PDE8B: variants seen among roughly 807,000 people sequenced by gnomAD.
The protein encoded by PDE8B is phosphodiesterase 8B, also known as high affinity cAMP-specific and IBMX-insensitive 3',5'-cyclic phosphodiesterase 8B.
In PDE8B, 26 loss-of-function variants were observed where a neutral mutation model predicts 101.3. The ratio of observed to expected loss-of-function variants is 0.26; its 90% CI spans 0.19 to 0.36. PDE8B has a LOEUF of 0.36. PDE8B is among the 10% of genes least tolerant of loss of function. PDE8B has a pLI of 1.00. For missense variants in PDE8B, 810 were observed against 1,163.1 expected, an observed-to-expected ratio of 0.70 and a Z score of 4.42; for synonymous variants, 424 against 429.3, an observed-to-expected ratio of 0.99 and a Z score of 0.15.
chr5:77,201,960 C>T, the PDE8B span, among the ~76,000 whole-genome samples: 3 of 152,168 alleles, frequency 2.0e-5, no homozygotes, highest in Admixed American at 6.5e-5. Flanking sequence ...TGCATTCTCT[C>T]TGTGTGGTCT....
chr5:77,240,589 A>G (rs1755577415), intron 1 of PDE8B, among the ~76,000 whole-genome samples: 2 of 152,252 alleles, frequency 1.3e-5, no homozygotes, highest in East Asian at 1.9e-4. Context: ...AGATAATCCT[A>G]TGCCAACATC....
At chr5:77,306,028 A>AC (rs966381921) in intron 1 of PDE8B, among the ~76,000 whole-genome samples, 14 of 151,678 alleles carry the variant, frequency 9.2e-5, no homozygotes, top group African/African-American at 2.9e-4. Context: ...CAGACATTCC[A>AC]CCCCCACCTG....
At chr5:77,361,659 C>T (rs576279004) in intron 10 of PDE8B, among the ~76,000 whole-genome samples, 2 of 152,044 alleles carry the variant, frequency 1.3e-5, no homozygotes, top group Admixed American at 6.5e-5. Context: ...GGACTACAGG[C>T]GCCCGCTACC....
the PDE8B span, among the ~76,000 whole-genome samples, chr5:77,125,804 A>G: frequency 1.7e-4 from 26 of 152,180 alleles, no homozygotes; most frequent in Admixed American, 1.0e-3. Flanking sequence ...GTCTGGGGGA[A>G]TAGTAGATTG....
chr5:77,286,095 G>T lies in PDE8B; in HGVS notation c.340-25899G>T, dbSNP rs191053906. On this transcript the variant is annotated intron_variant, in intron 1 of 21. Coordinates refer to ENST00000264917, the MANE Select transcript of PDE8B (RefSeq NM_003719.5). The stretch of plus-strand genomic sequence containing the variant: ...GTTGCCATTATGTTTCTTAGGTGAT[G>T]TGATTTGGGATTGTATCATGGGCAT... Among the ~76,000 whole-genome samples the T allele has an allele frequency of 2.8e-4, 42 of 152,246 alleles. 2 individuals are homozygous for T. The East Asian group carries it at 7.5e-3, about 27-fold the overall frequency.
At chr5:77,181,323 T>A in the PDE8B span, among the ~76,000 whole-genome samples, 1 of 152,170 alleles carries the variant, frequency 6.6e-6, no homozygotes, top group African/African-American at 2.4e-5. Context: ...GGACGCTTAG[T>A]GCAAGGGGGA....
intron 11 of PDE8B, among the ~76,000 whole-genome samples, chr5:77,401,523 T>C (rs1233542935): frequency 6.6e-6 from 1 of 152,208 alleles, no homozygotes; most frequent in African/African-American, 2.4e-5. Context: ...ACCTACAAAA[T>C]CTCTCCATGC....
At chr5:77,414,135 T>C (rs1032274363) in intron 17 of PDE8B, among the ~76,000 whole-genome samples, 5 of 152,190 alleles carry the variant, frequency 3.3e-5, no homozygotes, top group Non-Finnish European at 7.3e-5. Context: ...ATTAAGGTCC[T>C]AGGTACTTAA....
chr5:77,393,174 G>T (rs1022728679), intron 10 of PDE8B, among the ~76,000 whole-genome samples: 2 of 152,166 alleles, frequency 1.3e-5, no homozygotes, highest in Non-Finnish European at 2.9e-5. Flanking sequence ...AGGGCAGATT[G>T]CTTCAGCTCA....
At chr5:77,322,508 A>AGG (rs2150209004) in intron 2 of PDE8B, among the ~76,000 whole-genome samples, 2 of 151,952 alleles carry the variant, frequency 1.3e-5, no homozygotes, top group African/African-American at 4.8e-5. Flanking sequence ...ACCTGCTCCC[A>AGG]CCCTTTTGCC....
the PDE8B span, among the ~76,000 whole-genome samples, chr5:77,181,587 G>A: frequency 2.6e-5 from 4 of 152,128 alleles, no homozygotes; most frequent in Admixed American, 2.0e-4. Context: ...CAGTTTACCC[G>A]TCCCCAGGTT....
chr5:77,102,272 T>A, the PDE8B span, among the ~76,000 whole-genome samples: 8 of 151,996 alleles, frequency 5.3e-5, no homozygotes, highest in Non-Finnish European at 1.0e-4. Context: ...TAGTTTAGAT[T>A]TTTTTTTGTA....
At chr5:77,210,488 G>T (rs2149367580), upstream of PDE8B, 1 of 330,206 alleles carries the variant, frequency 3.0e-6, no homozygotes, top group Non-Finnish European at 4.3e-6. This position sits in a 1 kb window ranked among gnomAD's most constrained non-coding sequence, Gnocchi z 4.9. Context: ...CGAAAGTGGG[G>T]AAAGAAGGTG....
intron 16 of PDE8B, among the ~76,000 whole-genome samples, chr5:77,412,747 T>A (rs1205676200): frequency 6.6e-6 from 1 of 152,096 alleles, no homozygotes; most frequent in Non-Finnish European, 1.5e-5. Context: ...AGCTGTTTTT[T>A]TTTGTCCTTA....
rs765572215 is a variant in PDE8B at position 77,210,914 on chromosome 5, C to A, written c.-12C>A. The A allele has an allele frequency of 1.4e-5, 19 of 1,376,740 alleles. No individual in the cohort carries two copies. Among genetic ancestry groups the A allele is most frequent in the Non-Finnish European group, 1.6e-5 (17 of 1,064,504 alleles). The allele number at this position is 1,376,740 out of a possible 1,614,324, so 85.3% of individuals were successfully genotyped here. A position where few individuals can be genotyped will look rare whatever the true frequency, so the allele number is the denominator to read the frequency against. ...GGGCGCGGGCGGGCGCGCGGGGGAGCCCGGCCGAGGGATGGGCTGCGCCCC... is the reference window on the plus strand; with the variant it reads ...GGGCGCGGGCGGGCGCGCGGGGGAGACCGGCCGAGGGATGGGCTGCGCCCC... On this transcript the variant is annotated 5_prime_UTR_variant, in exon 1 of 22. Transcript: ENST00000264917. This position sits in a 1 kb window ranked among gnomAD's most constrained non-coding sequence, Gnocchi z 4.9.
At chr5:77,127,815 A>T in the PDE8B span, among the ~76,000 whole-genome samples, 136 of 152,278 alleles carry the variant, frequency 8.9e-4, 1 homozygote, top group African/African-American at 3.2e-3. Context: ...TAGTGACTCA[A>T]TATTCTCAGA....
At chr5:77,252,113 T>G (rs572910518) in intron 1 of PDE8B, among the ~76,000 whole-genome samples, 1 of 152,342 alleles carries the variant, frequency 6.6e-6, no homozygotes, top group African/African-American at 2.4e-5. Context: ...GTGACTGACT[T>G]ATTCTGAGTG....
intron 6 of PDE8B, 41 bp downstream of exon 6, chr5:77,337,356 C>G (rs1209160900): frequency 9.9e-7 from 1 of 1,012,264 alleles, no homozygotes. Flanking sequence ...GTTAACAATT[C>G]TTTAGAAAAT....
chr5:77,380,646 T>A (rs977905149), intron 10 of PDE8B, among the ~76,000 whole-genome samples: 1 of 152,226 alleles, frequency 6.6e-6, no homozygotes, highest in South Asian at 2.1e-4. Context: ...ATGGATTCAT[T>A]TTATATTAGC....
Sources: gnomAD v4.1 joint callset for allele counts (sites outside exome capture counted in the v4.1 genomes callset) on GRCh38, gnomAD v4.1.1 for gene constraint, Gnocchi (gnomAD v3.1) non-coding constraint, MANE v1.5 for transcripts, NCBI Gene and HGNC (gene_info 2026-07-23, HGNC 2026-07-21) for gene names.